KMT2E: variants seen among roughly 807,000 people sequenced by gnomAD.
The protein encoded by KMT2E is histone reader KMT2E.
A neutral mutation model predicts 184.6 loss-of-function variants in KMT2E; 30 were observed. The observed-to-expected ratio is 0.16, with a 90% confidence interval of 0.12 to 0.22. The LOEUF (loss-of-function observed/expected upper bound fraction) is 0.22. Among genes scored for constraint, KMT2E ranks in the 10% least tolerant of loss-of-function variants. KMT2E has a pLI of 1.00. For missense variants in KMT2E, 2,023 were observed against 2,237.4 expected (o/e 0.90, Z 1.93); for synonymous variants, 815 against 776.5 (o/e 1.05, Z -0.82).
intron 5 of KMT2E, chr7:105,064,100 C>G: frequency 2.4e-6 from 1 of 419,342 alleles, no homozygotes; most frequent in South Asian, 1.7e-5. Flanking sequence ...CAAGAAAGGC[C>G]TCCTCCCCTA....
At chr7:105,067,305 G>A (rs894543256) in intron 6 of KMT2E, among the ~76,000 whole-genome samples, 2 of 151,484 alleles carry the variant, frequency 1.3e-5, no homozygotes, top group African/African-American at 4.9e-5. Flanking sequence ...TTTTTTAACT[G>A]GAATGCGCTA....
chr7:105,098,406 A>T (rs886418226), intron 15 of KMT2E, among the ~76,000 whole-genome samples: 8 of 151,070 alleles, frequency 5.3e-5, no homozygotes, highest in Non-Finnish European at 1.0e-4. Flanking sequence ...TGTTCCACTA[A>T]TTTTTTTGTT....
Position 105,111,894 on chromosome 7 carries a change from T to G in KMT2E, c.4138T>G (p.Trp1380Gly). 1 of 1,614,138 alleles carries G rather than the reference T, an allele frequency of 6.2e-7. No individual in the cohort carries two copies. The highest frequency in any genetic ancestry group is 8.5e-7 in the Non-Finnish European group (1 of 1,180,012). Residue 1380 changes from tryptophan (W) to glycine (G), a missense_variant, in exon 27 of 27, where the codon TGG (tryptophan) becomes GGG (glycine). Physicochemically the swap from Trp to Gly is radical, Grantham distance 184. Around this residue, in one of 8 missense-constraint regions of KMT2E, gnomAD observed 1,108 missense variants for 1,050.9 expected, o/e 1.05. Coordinates refer to ENST00000311117, the MANE Select transcript of KMT2E (RefSeq NM_182931.3). ...GKIFTKPDPQWDSTVSASEAE... is the reference protein window; with the variant it reads ...GKIFTKPDPQGDSTVSASEAE... ...AATATTCACAAAACCAGATCCCCAA[T>G]GGGACTCCACAGTTAGTGCATCCGA... is the stretch of plus-strand genomic sequence containing the variant.
intron 14 of KMT2E, 53 bp downstream of exon 14, chr7:105,090,326 C>T: frequency 1.3e-6 from 2 of 1,533,924 alleles, no homozygotes; most frequent in South Asian, 2.5e-5. Context: ...AATAATCTGT[C>T]ATATTTTATC....
Position 105,091,252 on chromosome 7 carries a change from C to A in KMT2E, c.1660C>A (p.Pro554Thr). ...TATTGATGATATAGAAGAAAAAACT[C>A]CTATTAGTAATGAAGTAGAAATGGA... ...DFIDDIEEKT[P>T]ISNEVEMESE... Residue 554 changes from proline (P) to threonine (T), a missense_variant, in exon 15 of 27, where the codon CCT becomes ACT. Physicochemically the swap from Pro to Thr is conservative, Grantham distance 38 (BLOSUM62 -1). Transcript: ENST00000311117. 6.3e-7 allele frequency: 1 copy of A among 1,597,906 alleles called. No individual in the cohort carries two copies. The highest frequency in any genetic ancestry group is 8.6e-7 in the Non-Finnish European group (1 of 1,166,014).
At chr7:105,015,471 T>C (rs1794678683) in intron 1 of KMT2E, among the ~76,000 whole-genome samples, 1 of 152,194 alleles carries the variant, frequency 6.6e-6, no homozygotes, top group African/African-American at 2.4e-5. Context: ...GTTTTGCCTA[T>C]TTTGTTCCCT....
intron 1 of KMT2E, among the ~76,000 whole-genome samples, chr7:105,032,678 A>AT (rs1434167662): frequency 6.6e-6 from 1 of 151,992 alleles, no homozygotes; most frequent in African/African-American, 2.4e-5. Context: ...ATTTTTAAAA[A>AT]TTTTTTTGTA....
chr7:105,079,416 G>T (rs1346903626), intron 12 of KMT2E, among the ~76,000 whole-genome samples: 1 of 148,646 alleles, frequency 6.7e-6, no homozygotes, highest in Non-Finnish European at 1.5e-5. Flanking sequence ...GATTACGAGT[G>T]TAAGCCACCA....
Position 105,077,184 on chromosome 7 carries a change from T to C in KMT2E, c.990T>C (p.Pro330=), listed in dbSNP as rs1797566440. Reference sequence around the variant, plus strand: ...ATACCAACAATTTGCTCTTCAAACCTCCTGTAGAGGTAAATACATCATTTG... The same window carrying C: ...ATACCAACAATTTGCTCTTCAAACCCCCTGTAGAGGTAAATACATCATTTG... ...DLNTNNLLFK[P]PVESHIQKNK... Residue 330 remains proline, a synonymous_variant, in exon 10 of 27, where the codon CCT becomes CCC. Coordinates refer to ENST00000311117, the MANE Select transcript of KMT2E (RefSeq NM_182931.3). The C allele has an allele frequency of 6.2e-7, 1 of 1,612,902 alleles. No homozygotes were observed. The highest frequency in any genetic ancestry group is 1.3e-5 in the African/African-American group (1 of 75,000).
At chr7:105,075,387 G>A (rs908723641) in intron 8 of KMT2E, among the ~76,000 whole-genome samples, 4 of 152,050 alleles carry the variant, frequency 2.6e-5, no homozygotes, top group Non-Finnish European at 4.4e-5. Flanking sequence ...GTGGGCTCTC[G>A]ATACATGTTT....
intron 6 of KMT2E, among the ~76,000 whole-genome samples, chr7:105,070,917 G>C (rs181335995): frequency 6.6e-6 from 1 of 152,114 alleles, no homozygotes; most frequent in Non-Finnish European, 1.5e-5. Flanking sequence ...AAGCAAGTTA[G>C]ACTTGAAGTC....
chr7:105,110,586 C>G lies in KMT2E; in HGVS notation c.3954C>G (p.Phe1318Leu). Residue 1318 changes from phenylalanine (F) to leucine (L), a missense_variant, in exon 25 of 27, where the codon TTC becomes TTG. Physicochemically the swap from Phe to Leu is conservative, Grantham distance 22. Around this residue, in one of 8 missense-constraint regions of KMT2E, gnomAD observed 1,108 missense variants for 1,050.9 expected, o/e 1.05. Transcript: ENST00000311117. ...QLQAKGPVPS[F>L]SELMEDPDPE... is the part of the protein sequence containing the mutation. Reference sequence around the variant, plus strand: ...AAGCTAAGGGCCCAGTCCCTTCTTTCAGTGAACTTATGGAAGGTCAGTAAG... The same window carrying G: ...AAGCTAAGGGCCCAGTCCCTTCTTTGAGTGAACTTATGGAAGGTCAGTAAG... 6.2e-7 allele frequency: 1 copy of G among 1,614,086 alleles called. No individual in the cohort carries two copies. Among genetic ancestry groups the G allele is most frequent in the Non-Finnish European group, 8.5e-7 (1 of 1,179,972 alleles).
Position 105,093,891 on chromosome 7 carries a change from A to C in KMT2E, c.1722+2577A>C, listed in dbSNP as rs1200086019. 2.0e-5 allele frequency among the ~76,000 whole-genome samples: 3 copies of C among 152,204 alleles called. No individual in the cohort carries two copies. In the East Asian group the frequency reaches 5.8e-4, roughly 29 times the overall value. On this transcript the variant is annotated intron_variant, in intron 15 of 26. Transcript: ENST00000311117. ...CACTAAGGTGGATATGAAACTGAGT[A>C]TTTTTCATGGGAATAAAATGTGGAA...
At chr7:105,109,375 A>T in intron 23 of KMT2E, 147 bp downstream of exon 23, 1 of 771,312 alleles carries the variant, frequency 1.3e-6, no homozygotes, top group Non-Finnish European at 2.0e-6. Context: ...ATTTTAAGCC[A>T]GCTGTGTATG....
chr7:105,089,285 G>C, intron 13 of KMT2E: 1 of 422,552 alleles, frequency 2.4e-6, no homozygotes. Flanking sequence ...TGCAACTTCT[G>C]CCTCCTGGGT....
At chr7:105,062,882 G>A (rs1453794543) in intron 4 of KMT2E, among the ~76,000 whole-genome samples, 1 of 151,198 alleles carries the variant, frequency 6.6e-6, no homozygotes, top group Non-Finnish European at 1.5e-5. Flanking sequence ...CTTACTACTT[G>A]GACCAGAATA....
intron 15 of KMT2E, among the ~76,000 whole-genome samples, chr7:105,097,666 G>A (rs765126114): frequency 7.2e-5 from 11 of 152,252 alleles, no homozygotes; most frequent in Non-Finnish European, 1.3e-4. Flanking sequence ...GGGATTACAC[G>A]CGTGAGCCAC....
chr7:105,043,276 G>A (rs1327715045), intron 3 of KMT2E, among the ~76,000 whole-genome samples: 2 of 138,170 alleles, frequency 1.4e-5, no homozygotes, highest in African/African-American at 5.5e-5. Flanking sequence ...TTGCTCTGTC[G>A]CCCAGGCTGG....
At chr7:105,060,166 T>C (rs1796756239) in intron 3 of KMT2E, among the ~76,000 whole-genome samples, 1 of 151,626 alleles carries the variant, frequency 6.6e-6, no homozygotes, top group African/African-American at 2.4e-5. Flanking sequence ...GCCTACTTAT[T>C]GTATTTTTAG....
Sources: allele counts gnomAD v4.1 joint callset (sites outside exome capture counted in the v4.1 genomes callset), GRCh38; gene constraint gnomAD v4.1.1; regional missense constraint gnomAD v4.1.1; transcripts MANE v1.5; gene names NCBI Gene and HGNC (gene_info 2026-07-23, HGNC 2026-07-21).